The following CCDC191 variants were observed in gnomAD, a reference collection of about 807,000 sequenced individuals.
CCDC191 encodes coiled-coil domain containing 191, also known as coiled-coil domain-containing protein 191.
Under a neutral mutation model 114.0 loss-of-function variants are expected in CCDC191, and 99 were observed. The ratio of observed to expected loss-of-function variants is 0.87; its 90% confidence interval spans 0.74 to 1.03. CCDC191 has a LOEUF of 1.03. Among genes scored for constraint, CCDC191 ranks in the 50% least tolerant of loss-of-function variants. CCDC191 has a pLI of 0.00. For synonymous variants in CCDC191, 351 were observed against 376.0 expected, an observed-to-expected ratio of 0.93 and a Z score of 0.77; for missense variants, 973 against 1,087.0, an observed-to-expected ratio of 0.90 and a Z score of 1.47.
At chr3:114,013,429 T>C (rs985995732) in intron 8 of CCDC191, among the ~76,000 whole-genome samples, 1 of 152,186 alleles carries the variant, frequency 6.6e-6, no homozygotes, top group African/African-American at 2.4e-5. Flanking sequence ...CCAATTTCTA[T>C]ACTTTCTAAA....
chr3:114,021,736 T>C (rs1408492205), intron 7 of CCDC191, among the ~76,000 whole-genome samples: 6 of 152,098 alleles, frequency 3.9e-5, no homozygotes, highest in Non-Finnish European at 7.4e-5. Flanking sequence ...TACTTTTCTA[T>C]ACTTTGGAAC....
chr3:114,054,848 A>T (rs1258656316), intron 1 of CCDC191, among the ~76,000 whole-genome samples: 1 of 152,114 alleles, frequency 6.6e-6, no homozygotes, highest in African/African-American at 2.4e-5. Context: ...ATTCCCTCTA[A>T]TAGTCACTTA....
rs1373840168 is a variant in CCDC191, at chr3:113,965,054, G to A, written c.*101C>T. 1.7e-6 allele frequency: 1 copy of A among 605,354 alleles called. No individual in the cohort carries two copies. The highest frequency in any genetic ancestry group is 2.7e-6 in the Non-Finnish European group (1 of 364,992). The allele number at this position is 605,354 out of a possible 1,614,324, so 37.5% of individuals were successfully genotyped here. On this transcript the variant is annotated 3_prime_UTR_variant, in exon 17 of 17. Coordinates refer to ENST00000295878, the MANE Select transcript of CCDC191 (RefSeq NM_020817.2). ...CCTTTGATCTAAGAAGTAGCTCGTA[G>A]AGAATAAACCAGGTGTATGTATGTA...
At chr3:113,982,985 C>A (rs954819438) in intron 13 of CCDC191, among the ~76,000 whole-genome samples, 2 of 152,108 alleles carry the variant, frequency 1.3e-5, no homozygotes, top group African/African-American at 4.8e-5. Context: ...CATCTGTACT[C>A]ATGGTCTCTA....
intron 9 of CCDC191, among the ~76,000 whole-genome samples, chr3:114,006,587 GATATATATATATATATATAT>G (rs67264886): frequency 3.6e-5 from 3 of 82,620 alleles, no homozygotes; most frequent in Admixed American, 1.3e-4. Context: ...GGTTACTCCA[GATATATATATATATATATAT>G]ATATATATAT....
chr3:114,051,105 G>A (rs2076693294), intron 2 of CCDC191, among the ~76,000 whole-genome samples: 1 of 151,996 alleles, frequency 6.6e-6, no homozygotes, highest in Non-Finnish European at 1.5e-5. Flanking sequence ...TATTGACATC[G>A]TGACCCCGAA....
Position 114,003,269 on chromosome 3 carries a change from T to A in CCDC191, c.1979-731A>T, listed in dbSNP as rs560294854. Reference sequence around the variant, plus strand: ...AAGAGGGGCATGGATGGGAGGAGTATCAAGTTCTGCTCACCTAAGCCAGCC... The same window carrying A: ...AAGAGGGGCATGGATGGGAGGAGTAACAAGTTCTGCTCACCTAAGCCAGCC... On this transcript the variant is annotated intron_variant, in intron 11 of 16. Coordinates refer to ENST00000295878, the MANE Select transcript of CCDC191 (RefSeq NM_020817.2). 1.8e-4 allele frequency: 179 copies of A among 985,424 alleles called. No individual in the cohort carries two copies. The African/African-American group carries it at 2.9e-3, about 16-fold the overall frequency. 61.0% of individuals were successfully genotyped at this position (985,424 alleles called of 1,614,324 possible). A position where few individuals can be genotyped will look rare whatever the true frequency, so the allele number is the denominator to read the frequency against.
At chr3:113,979,712 A>C (rs923347505) in intron 14 of CCDC191, among the ~76,000 whole-genome samples, 1 of 152,186 alleles carries the variant, frequency 6.6e-6, no homozygotes, top group Non-Finnish European at 1.5e-5. Flanking sequence ...TGATTGACTC[A>C]AGTGAGTCTC....
chr3:114,011,879 T>C (rs751657546), intron 8 of CCDC191, among the ~76,000 whole-genome samples: 1 of 152,186 alleles, frequency 6.6e-6, no homozygotes, highest in Non-Finnish European at 1.5e-5. Context: ...GATCTATCTA[T>C]AAGTGAATGG....
At chr3:113,983,139 C>T (rs1021104105) in intron 13 of CCDC191, among the ~76,000 whole-genome samples, 12 of 152,102 alleles carry the variant, frequency 7.9e-5, no homozygotes, top group East Asian at 1.9e-4. Context: ...TAATTGAACT[C>T]GGTAGCATTC....
chr3:113,978,061 C>G (rs984863504), intron 16 of CCDC191, 125 bp downstream of exon 16: 28 of 1,038,560 alleles, frequency 2.7e-5, no homozygotes, highest in Non-Finnish European at 4.0e-5. Context: ...ACTCCCACCC[C>G]TGACTGGTGT....
At chr3:114,014,285 T>G (rs541543778) in intron 8 of CCDC191, among the ~76,000 whole-genome samples, 46 of 152,276 alleles carry the variant, frequency 3.0e-4, no homozygotes, top group African/African-American at 1.0e-3. Context: ...TTAAAAAGTT[T>G]TAAAGTTTTA....
In CCDC191 at chr3:113,971,310, T is replaced by C. The variant is rs910789808; in HGVS notation, c.2607-5951A>G. Reference sequence around the variant, plus strand: ...GTGGTTTTGATTTGCATTTCTCTGATGGCCAGTGATGATGAGCATTTTTTC... The same window carrying C: ...GTGGTTTTGATTTGCATTTCTCTGACGGCCAGTGATGATGAGCATTTTTTC... On this transcript the variant is annotated intron_variant, in intron 16 of 16. Transcript: ENST00000295878. Among the ~76,000 whole-genome samples the C allele has an allele frequency of 7.5e-4, 114 of 152,340 alleles. 1 individual carries two copies. The highest frequency in any genetic ancestry group is 2.6e-3 in the African/African-American group (109 of 41,586).
chr3:114,005,557 G>A lies in CCDC191; in HGVS notation c.1819C>T (p.Leu607=). The change falls in exon 10 of 17, where the codon CTG becomes TTG. Residue 607 remains leucine, a synonymous_variant. Transcript: ENST00000295878. ...LAVTEAQSHL[L]SKPREEEPRT... ...GGTTCCTCTTCTCTGGGCTTTGACAGCAGGTGGCTCTGTGCTTCTGTGACT... is the reference window on the plus strand; with the variant it reads ...GGTTCCTCTTCTCTGGGCTTTGACAACAGGTGGCTCTGTGCTTCTGTGACT... 6.2e-7 allele frequency: 1 copy of A among 1,613,802 alleles called. No homozygotes were observed. The highest frequency in any genetic ancestry group is 1.1e-5 in the South Asian group (1 of 91,032).
intron 2 of CCDC191, among the ~76,000 whole-genome samples, chr3:114,051,198 C>T (rs2076694342): frequency 6.6e-6 from 1 of 152,284 alleles, no homozygotes; most frequent in South Asian, 2.1e-4. Flanking sequence ...ACCTCTGATC[C>T]ATCTCCCTGT....
rs1939994044 is a variant in CCDC191 at position 113,965,221 on chromosome 3, C to A, written c.2745G>T (p.Arg915Ser). The A allele has an allele frequency of 6.2e-7, 1 of 1,611,334 alleles. No homozygotes were observed. Among genetic ancestry groups the A allele is most frequent in the African/African-American group, 1.3e-5 (1 of 74,768 alleles). Residue 915 changes from arginine to serine, a missense_variant, in exon 17 of 17, where the codon AGG (arginine) becomes AGT (serine). By Grantham distance (110) the Arg-to-Ser change is moderately radical. Transcript: ENST00000295878. ...EILPDFQVPGRYHELYQQSDT... is the reference protein window; with the variant it reads ...EILPDFQVPGSYHELYQQSDT... ...CTGATTGCTGATATAGCTCGTGGTA[C>A]CTTCCAGGTACCTGGAAGTCTGGAA...
At chr3:113,986,348 C>A (rs1270756018) in intron 13 of CCDC191, among the ~76,000 whole-genome samples, 1 of 152,018 alleles carries the variant, frequency 6.6e-6, no homozygotes, top group Non-Finnish European at 1.5e-5. Flanking sequence ...AACAATGTAA[C>A]AATGGCATAA....
intron 11 of CCDC191, 59 bp from the exon 12 acceptor site, chr3:114,002,597 G>GC: frequency 7.1e-7 from 1 of 1,405,274 alleles, no homozygotes; most frequent in South Asian, 1.3e-5. Context: ...GAGGAATACT[G>GC]CAAGAGAAAT....
chr3:114,053,564 ACT>A lies in CCDC191; in HGVS notation c.129+31_129+32del, dbSNP rs573891895. 241 of 1,367,374 alleles carry A rather than the reference ACT, an allele frequency of 1.8e-4. 1 individual carries two copies. In the South Asian group the frequency reaches 2.7e-3, roughly 16 times the overall value. 84.7% of individuals were successfully genotyped at this position (1,367,374 alleles called of 1,614,324 possible). On this transcript the variant is annotated intron_variant, in intron 2 of 16. Coordinates refer to ENST00000295878, the MANE Select transcript of CCDC191 (RefSeq NM_020817.2). Reference sequence around the variant, plus strand: ...CATCTGATTATGCTTGACTCTTAATACTCTTTTTATTCTAAATTTGAAATATC... The same window carrying A: ...CATCTGATTATGCTTGACTCTTAATACTTTTTATTCTAAATTTGAAATATC...
Sources: gnomAD v4.1 joint callset for allele counts (sites outside exome capture counted in the v4.1 genomes callset) on GRCh38, gnomAD v4.1.1 for gene constraint, MANE v1.5 for transcripts, NCBI Gene and HGNC (gene_info 2026-07-23, HGNC 2026-07-21) for gene names.